The following PCMT1 variants were observed in gnomAD, a reference collection of about 807,000 sequenced individuals.
PCMT1 encodes the protein protein-L-isoaspartate(D-aspartate) O-methyltransferase.
Under a neutral mutation model 29.2 loss-of-function variants are expected in PCMT1, and 9 were observed. The observed-to-expected ratio is 0.31, with a 90% CI of 0.19 to 0.54. The LOEUF is 0.54. Among genes scored for constraint, PCMT1 ranks in the 20% least tolerant of loss-of-function variants. The probability of loss-of-function intolerance (pLI) is 0.95; values close to 1 mark genes in which losing one functional copy is unlikely to be tolerated. For synonymous variants in PCMT1, 98 were observed against 97.5 expected (o/e 1.00, Z -0.03); for missense variants, 184 against 282.2 (o/e 0.65, Z 2.49).
rs756962167 is a variant in PCMT1 at position 149,802,176 on chromosome 6, T to C, written c.505-24T>C. 1.9e-5 allele frequency: 27 copies of C among 1,423,182 alleles called. No individual in the cohort carries two copies. The East Asian group carries it at 4.7e-4, about 25-fold the overall frequency. 88.2% of individuals were successfully genotyped at this position (1,423,182 alleles called of 1,614,324 possible). A position where few individuals can be genotyped will look rare whatever the true frequency, so the allele number is the denominator to read the frequency against. Reference sequence around the variant, plus strand: ...ATAAAATCTGTAACTTGGTGATGTATGTGCTTTTTTTTTTTTCTTTTAGCT... The same window carrying C: ...ATAAAATCTGTAACTTGGTGATGTACGTGCTTTTTTTTTTTTCTTTTAGCT... On this transcript the variant is annotated intron_variant, in intron 6 of 7. Transcript: ENST00000464889.
chr6:149,771,632 T>C (rs1787327504), intron 2 of PCMT1, among the ~76,000 whole-genome samples: 1 of 152,182 alleles, frequency 6.6e-6, no homozygotes, highest in Admixed American at 6.5e-5. Flanking sequence ...TTTTCCTGCC[T>C]TAACCTCCCG....
At chr6:149,769,228 G>T (rs1396090141) in intron 1 of PCMT1, among the ~76,000 whole-genome samples, 1 of 149,820 alleles carries the variant, frequency 6.7e-6, no homozygotes, top group African/African-American at 2.5e-5. Context: ...TGTTAGTATA[G>T]CATCCTGCAC....
chr6:149,774,986 C>T (rs372103993), intron 3 of PCMT1, among the ~76,000 whole-genome samples: 2 of 152,026 alleles, frequency 1.3e-5, no homozygotes, highest in Admixed American at 6.6e-5. Context: ...GGATTACAGG[C>T]GTGAGCCACC....
intron 1 of PCMT1, among the ~76,000 whole-genome samples, chr6:149,753,197 CATT>C (rs752249848): frequency 3.3e-5 from 5 of 152,036 alleles, no homozygotes; most frequent in Non-Finnish European, 7.4e-5. Flanking sequence ...CTTCCTTCCT[CATT>C]ATTCTACTGT....
At chr6:149,760,905 C>T (rs148370049) in intron 1 of PCMT1, among the ~76,000 whole-genome samples, 1 of 152,208 alleles carries the variant, frequency 6.6e-6, no homozygotes, top group East Asian at 1.9e-4. Context: ...ATAATTTCTA[C>T]GTATGTTCCA....
At chr6:149,791,192 C>T (rs1788355223) in intron 4 of PCMT1, among the ~76,000 whole-genome samples, 1 of 152,142 alleles carries the variant, frequency 6.6e-6, no homozygotes, top group Non-Finnish European at 1.5e-5. Context: ...AGCTGGGCCC[C>T]GTCTCCCAGG....
chr6:149,793,753 TA>T, intron 5 of PCMT1, 84 bp downstream of exon 5: 1 of 1,162,610 alleles, frequency 8.6e-7, no homozygotes, highest in Non-Finnish European at 1.2e-6. Context: ...TACTCAGAGG[TA>T]ATTATTGTAT....
rs1340051169 is a variant in PCMT1 at position 149,749,860 on chromosome 6, G to A, written c.-42G>A. 6.3e-7 allele frequency: 1 copy of A among 1,595,124 alleles called. No individual in the cohort carries two copies. Among genetic ancestry groups the A allele is most frequent in the Non-Finnish European group, 8.5e-7 (1 of 1,171,000 alleles). On this transcript the variant is annotated 5_prime_UTR_variant, in exon 1 of 8. Coordinates refer to ENST00000464889, the MANE Select transcript of PCMT1 (RefSeq NM_001360452.2). ...GGGAAAACTGCTGGGCACCGTCGTCGCGCTGAAGGTGGTTCTGTACCTGCT... is the reference window on the plus strand; with the variant it reads ...GGGAAAACTGCTGGGCACCGTCGTCACGCTGAAGGTGGTTCTGTACCTGCT...
chr6:149,800,222 T>C (rs1775781332), intron 6 of PCMT1, among the ~76,000 whole-genome samples: 3 of 152,126 alleles, frequency 2.0e-5, no homozygotes, highest in African/African-American at 7.2e-5. Flanking sequence ...TCCCAGTACT[T>C]TAAGAGGCCG....
chr6:149,789,363 AC>A (rs1252417469), intron 3 of PCMT1, among the ~76,000 whole-genome samples: 1 of 151,914 alleles, frequency 6.6e-6, no homozygotes, highest in Non-Finnish European at 1.5e-5. Context: ...GGCCTGAGCC[AC>A]CACGCCCAGC....
intron 2 of PCMT1, among the ~76,000 whole-genome samples, chr6:149,771,846 C>A (rs573569010): frequency 1.3e-5 from 2 of 152,238 alleles, no homozygotes; most frequent in African/African-American, 2.4e-5. Flanking sequence ...TGAAAACTTA[C>A]AGTATTAGCC....
intron 7 of PCMT1, among the ~76,000 whole-genome samples, chr6:149,804,325 T>C (rs755823014): frequency 6.6e-6 from 1 of 151,996 alleles, no homozygotes; most frequent in Non-Finnish European, 1.5e-5. Context: ...TTTCTTTTTA[T>C]ATACAATAAA....
At chr6:149,794,294 G>A (rs781422571) in intron 5 of PCMT1, among the ~76,000 whole-genome samples, 2 of 152,050 alleles carry the variant, frequency 1.3e-5, no homozygotes, top group Admixed American at 6.6e-5. Flanking sequence ...ATATCCAGTT[G>A]TATTCCCCAG....
intron 1 of PCMT1, among the ~76,000 whole-genome samples, chr6:149,757,102 T>C (rs1002415680): frequency 2.6e-5 from 4 of 152,048 alleles, no homozygotes; most frequent in Non-Finnish European, 4.4e-5. Flanking sequence ...TGCAGTGACC[T>C]GAGATCGCTC....
At chr6:149,779,144 A>G (rs1026091423) in intron 3 of PCMT1, among the ~76,000 whole-genome samples, 1 of 152,136 alleles carries the variant, frequency 6.6e-6, no homozygotes, top group Non-Finnish European at 1.5e-5. Flanking sequence ...ATCGTTTTAC[A>G]TTCCTTGAGG....
intron 1 of PCMT1, among the ~76,000 whole-genome samples, chr6:149,754,887 AC>A (rs1786452823): frequency 6.6e-6 from 1 of 152,174 alleles, no homozygotes; most frequent in Non-Finnish European, 1.5e-5. Flanking sequence ...TTAATAATGG[AC>A]CCAAAGTGCA....
intron 1 of PCMT1, among the ~76,000 whole-genome samples, chr6:149,762,696 A>C (rs1443292454): frequency 2.9e-5 from 1 of 34,990 alleles, no homozygotes; most frequent in South Asian, 9.8e-4. Flanking sequence ...TGATATATAT[A>C]TATCTATGAT....
At chr6:149,760,522 G>A (rs562847521) in intron 1 of PCMT1, among the ~76,000 whole-genome samples, 1 of 152,172 alleles carries the variant, frequency 6.6e-6, no homozygotes, top group East Asian at 1.9e-4. Context: ...CAATGGGGAG[G>A]TAAGCAGGAG....
At position 149,749,768 on chromosome 6, in the gene PCMT1, G is replaced by A; in HGVS notation, c.-134G>A. ...AGTGGCGGCAGCGGCGGCGACGGCA[G>A]TAACAGCGGCAGCTACAGCGGGGAC... On this transcript the variant is annotated 5_prime_UTR_variant, in exon 1 of 8. Coordinates refer to ENST00000464889, the MANE Select transcript of PCMT1 (RefSeq NM_001360452.2). The A allele has an allele frequency of 1.3e-6, 2 of 1,548,482 alleles. No individual in the cohort carries two copies. Among genetic ancestry groups the A allele is most frequent in the Non-Finnish European group, 1.7e-6 (2 of 1,145,646 alleles).
Sources: allele counts gnomAD v4.1 joint callset (sites outside exome capture counted in the v4.1 genomes callset), GRCh38; gene constraint gnomAD v4.1.1; transcripts MANE v1.5; gene names NCBI Gene and HGNC (gene_info 2026-07-23, HGNC 2026-07-21).